ABCB5: variants seen among roughly 807,000 people sequenced by gnomAD.
ABCB5 encodes the protein ATP binding cassette subfamily B member 5, also known as ATP-binding cassette sub-family B member 5.
ABCB5 carries 155 observed loss-of-function variants against 144.2 expected under a neutral mutation model. The observed-to-expected ratio is 1.08, with a 90% CI of 0.94 to 1.23. The LOEUF is 1.23. Among genes scored for constraint, ABCB5 ranks in the 50% most tolerant of loss-of-function variants. ABCB5 has a pLI of 0.00. For missense variants in ABCB5, 1,830 were observed against 1,520.8 expected (o/e 1.20, Z -3.38); for synonymous variants, 610 against 528.6 (o/e 1.15, Z -2.11).
chr7:20,719,435 T>A (rs924591959), intron 20 of ABCB5, among the ~76,000 whole-genome samples: 1 of 152,246 alleles, frequency 6.6e-6, no homozygotes, highest in Non-Finnish European at 1.5e-5. Flanking sequence ...GCCTCTTAGA[T>A]CTTTACTGAG....
At position 20,626,857 on chromosome 7, in the gene ABCB5, GT is replaced by G. The variant is rs1226653910; in HGVS notation, c.108+247del. 1.6e-3 allele frequency among the ~76,000 whole-genome samples: 100 copies of G among 63,220 alleles called. 3 individuals carry two copies. The East Asian group carries it at 0.024, about 15-fold the overall frequency. The allele number at this position is 63,220 out of a possible 152,430, so 41.5% of individuals were successfully genotyped here. A position where few individuals can be genotyped will look rare whatever the true frequency, so the allele number is the denominator to read the frequency against. On this transcript the variant is annotated intron_variant, in intron 3 of 27. Transcript: ENST00000404938. Reference sequence around the variant, plus strand: ...AGTGTTTTAAAAGTGTTTTTGGGGTGTGTGTGTGTGTGTGTGTGTGTGTGTG... The same window carrying G: ...AGTGTTTTAAAAGTGTTTTTGGGGTGGTGTGTGTGTGTGTGTGTGTGTGTG...
In ABCB5 at chr7:20,748,650, CAAAAAAAAAA is replaced by C. The variant is rs71020682; in HGVS notation, c.3429+3231_3429+3240del. 1.5e-4 allele frequency among the ~76,000 whole-genome samples: 9 copies of C among 59,080 alleles called. No homozygotes were observed. The Admixed American group carries it at 1.8e-3, about 12-fold the overall frequency. The allele number at this position is 59,080 out of a possible 152,430, so 38.8% of individuals were successfully genotyped here. A position where few individuals can be genotyped will look rare whatever the true frequency, so the allele number is the denominator to read the frequency against. On this transcript the variant is annotated intron_variant, in intron 26 of 27. Coordinates refer to ENST00000404938, the MANE Select transcript of ABCB5 (RefSeq NM_001163941.2). ...GGGCAACAAGAGTGAGACTCCATCTCAAAAAAAAAAAAAAAAAAAAAAAAAAAAGGGAATT... is the reference window on the plus strand; with the variant it reads ...GGGCAACAAGAGTGAGACTCCATCTCAAAAAAAAAAAAAAAAAAGGGAATT...
At chr7:20,711,840 CTTTCT>C (rs1287755049) in intron 20 of ABCB5, among the ~76,000 whole-genome samples, 704 of 54,706 alleles carry the variant, frequency 0.013, 103 homozygotes, top group African/African-American at 0.091. Flanking sequence ...TTCTTTCTTT[CTTTCT>C]TTTCTTTCTT....
Position 20,628,738 on chromosome 7 carries a change from G to A in ABCB5, c.159G>A (p.Leu53=). The A allele has an allele frequency of 6.2e-7, 1 of 1,613,578 alleles. No individual in the cohort carries two copies. The highest frequency in any genetic ancestry group is 1.3e-5 in the African/African-American group (1 of 74,970). The change falls in exon 4 of 28, where the codon CTG becomes CTA. Residue 53 remains leucine, a synonymous_variant. Coordinates refer to ENST00000404938, the MANE Select transcript of ABCB5 (RefSeq NM_001163941.2). ...LDITLMILGI[L]ASLVNGACLP... ...TCACACTCATGATCCTGGGTATACT[G>A]GCATCACTGGTCAATGGAGCCTGCC...
In ABCB5 at chr7:20,626,573, C is replaced by G. The variant is rs1257032274; in HGVS notation, c.70C>G (p.Pro24Ala). The G allele has an allele frequency of 6.2e-7, 1 of 1,607,666 alleles. No individual in the cohort carries two copies. Among genetic ancestry groups the G allele is most frequent in the Admixed American group, 1.7e-5 (1 of 59,116 alleles). The part of the protein sequence containing the change: ...YQRNGTAEEQ[P>A]KLRKEAVGSI... ...ATTTTCCAGAACTGCAGAAGAACAG[C>G]CAAAACTGAGAAAGGAAGCAGTTGG... The change falls in exon 3 of 28, where the codon CCA becomes GCA. Residue 24 changes from proline to alanine, a missense_variant. Coordinates refer to ENST00000404938, the MANE Select transcript of ABCB5 (RefSeq NM_001163941.2).
rs1193898399 is a variant in ABCB5, at chr7:20,745,381, G to C, written c.3372G>C (p.Glu1124Asp). The change falls in exon 26 of 28, where the codon GAG becomes GAC. Residue 1124 changes from glutamate (E) to aspartate (D), a missense_variant. Transcript: ENST00000404938. ...GDNSRVVPLD[E>D]IKEAANAANI... ...ACAGCCGTGTGGTGCCATTAGATGA[G>C]ATCAAAGAAGCCGCAAATGCAGCAA... is the stretch of plus-strand genomic sequence containing the variant. 1.2e-6 allele frequency: 2 copies of C among 1,614,188 alleles called. No individual in the cohort carries two copies. Among genetic ancestry groups the C allele is most frequent in the Non-Finnish European group, 1.7e-6 (2 of 1,180,032 alleles).
At chr7:20,708,226 A>G (rs369290096) in intron 20 of ABCB5, among the ~76,000 whole-genome samples, 1 of 152,214 alleles carries the variant, frequency 6.6e-6, no homozygotes, top group African/African-American at 2.4e-5. Context: ...TTGGCGTATA[A>G]TTGCTGTTTT....
At position 20,667,721 on chromosome 7, in the gene ABCB5, C is replaced by A. The variant is rs1365147938; in HGVS notation, c.1707+9045C>A. 2.8e-5 allele frequency among the ~76,000 whole-genome samples: 4 copies of A among 142,292 alleles called. No homozygotes were observed. In the South Asian group the frequency reaches 9.8e-4, roughly 35 times the overall value. 93.3% of individuals were successfully genotyped at this position (142,292 alleles called of 152,430 possible). A position where few individuals can be genotyped will look rare whatever the true frequency, so the allele number is the denominator to read the frequency against. ...CCCCTGCCCCTGCCCCTGCCCCTGC[C>A]CCTGCCCCTGCCTCTGCCTCTGCCT... On this transcript the variant is annotated intron_variant, in intron 14 of 27. Coordinates refer to ENST00000404938, the MANE Select transcript of ABCB5 (RefSeq NM_001163941.2).
At chr7:20,744,557 T>C (rs756864756) in intron 25 of ABCB5, among the ~76,000 whole-genome samples, 1 of 151,566 alleles carries the variant, frequency 6.6e-6, no homozygotes, top group African/African-American at 2.4e-5. Flanking sequence ...CCTGAGTTTA[T>C]TGAGTTATTT....
chr7:20,671,521 T>C (rs1055829206), intron 14 of ABCB5, among the ~76,000 whole-genome samples: 24 of 152,200 alleles, frequency 1.6e-4, no homozygotes, highest in African/African-American at 5.8e-4. Flanking sequence ...TTACTGCCAC[T>C]AGAGATTAGT....
At chr7:20,740,175 G>A (rs548965915) in intron 24 of ABCB5, among the ~76,000 whole-genome samples, 7 of 152,312 alleles carry the variant, frequency 4.6e-5, no homozygotes, top group African/African-American at 1.7e-4. Context: ...GGGAGGCGGA[G>A]GTTGCAGTGA....
chr7:20,632,816 A>T (rs897357030), intron 5 of ABCB5, among the ~76,000 whole-genome samples: 1 of 142,578 alleles, frequency 7.0e-6, no homozygotes, highest in Non-Finnish European at 1.5e-5. Flanking sequence ...AACAATGAGA[A>T]CACATGGACA....
intron 1 of ABCB5, among the ~76,000 whole-genome samples, chr7:20,616,078 C>T (rs942843740): frequency 1.3e-5 from 2 of 152,172 alleles, no homozygotes; most frequent in African/African-American, 4.8e-5. Context: ...CTCTGTCACC[C>T]AGGCTGGAGT....
At chr7:20,622,710 A>G (rs1783825881) in intron 1 of ABCB5, among the ~76,000 whole-genome samples, 1 of 152,102 alleles carries the variant, frequency 6.6e-6, no homozygotes, top group Non-Finnish European at 1.5e-5. Context: ...ATCCCAAGGA[A>G]GAGTAAATTA....
rs906335389 is a variant in ABCB5, at chr7:20,727,020, G to T, written c.2626-20G>T. ...CCATTACTAATTTTATTTCTATATT[G>T]TATTGTCCTGTTTTATAAGATAGCA... On this transcript the variant is annotated intron_variant, in intron 21 of 27. Transcript: ENST00000404938. 1 of 1,545,370 alleles carries T rather than the reference G, an allele frequency of 6.5e-7. No individual in the cohort carries two copies. The highest frequency in any genetic ancestry group is 1.4e-5 in the African/African-American group (1 of 72,952).
In ABCB5 at chr7:20,650,481, C is replaced by T. The variant is rs995708412; in HGVS notation, c.1332+334C>T. ...GAGGGAATGTTGTGGAGAAAAATAG[C>T]GTATTAACATCTGTACCCAGTACCT... On this transcript the variant is annotated intron_variant, in intron 12 of 27. Transcript: ENST00000404938. Among the ~76,000 whole-genome samples the T allele has an allele frequency of 2.5e-4, 38 of 151,800 alleles. 1 individual carries two copies. Among genetic ancestry groups the T allele is most frequent in the South Asian group, 2.1e-4 (1 of 4,820 alleles).
At chr7:20,718,612 G>C (rs1781764035) in intron 20 of ABCB5, among the ~76,000 whole-genome samples, 1 of 152,040 alleles carries the variant, frequency 6.6e-6, no homozygotes, top group Non-Finnish European at 1.5e-5. Context: ...GCAGAGCCCT[G>C]GGGGGGAGGG....
At chr7:20,754,447 A>G (rs1009846131) in intron 27 of ABCB5, among the ~76,000 whole-genome samples, 2 of 152,250 alleles carry the variant, frequency 1.3e-5, no homozygotes, top group Admixed American at 6.5e-5. Flanking sequence ...TTCAGTTATC[A>G]GAAAAATAAA....
chr7:20,755,554 G>C lies in ABCB5; in HGVS notation c.3704G>C (p.Gly1235Ala). 1 of 1,614,136 alleles carries C rather than the reference G, an allele frequency of 6.2e-7. No individual in the cohort carries two copies. Among genetic ancestry groups the C allele is most frequent in the Non-Finnish European group, 8.5e-7 (1 of 1,180,022 alleles). The change falls in exon 28 of 28, where the codon GGA (glycine) becomes GCA (alanine). Residue 1235 changes from glycine (G) to alanine (A), a missense_variant. Physicochemically the swap from Gly to Ala is moderately conservative, Grantham distance 60. Transcript: ENST00000404938. ...CACAATGGAAAGATAAAGGAACAAG[G>C]AACTCATCAAGAGCTCCTGAGAAAT... ...VLHNGKIKEQ[G>A]THQELLRNRD...
Sources: gnomAD v4.1 joint callset for allele counts (sites outside exome capture counted in the v4.1 genomes callset) on GRCh38, gnomAD v4.1.1 for gene constraint, MANE v1.5 for transcripts, NCBI Gene and HGNC (gene_info 2026-07-23, HGNC 2026-07-21) for gene names.